Variants in STPG1 observed in about 807,000 individuals in gnomAD.
The protein encoded by STPG1 is sperm tail PG-rich repeat containing 1.
STPG1 carries 33 observed loss-of-function variants against 40.1 expected under a neutral mutation model. That is an observed-to-expected ratio of 0.82 (90% CI 0.62 to 1.10). The LOEUF is 1.10. STPG1 is among the 50% of genes least tolerant of loss of function. The pLI, the probability that STPG1 is intolerant of heterozygous loss-of-function variation, is 0.00. For synonymous variants in STPG1, 150 were observed against 155.0 expected, an observed-to-expected ratio of 0.97 and a Z score of 0.24; for missense variants, 396 against 415.1, an observed-to-expected ratio of 0.95 and a Z score of 0.40.
At chr1:24,403,515 T>C (rs555900683) in intron 1 of STPG1, among the ~76,000 whole-genome samples, 1 of 152,162 alleles carries the variant, frequency 6.6e-6, no homozygotes, top group Non-Finnish European at 1.5e-5. Flanking sequence ...TGGATTTTGA[T>C]TGAGATTGCA....
At position 24,360,761 on chromosome 1, in the gene STPG1, A is replaced by G. The variant is rs1018339461; in HGVS notation, c.928+90T>C. On this transcript the variant is annotated intron_variant, in intron 8 of 8. Transcript: ENST00000337248. ...ATCCCTGTAACCTATTTGGGAAACA[A>G]CCTATAAATCAATGGCATTTGATGA... The G allele has an allele frequency of 1.2e-5, 14 of 1,202,992 alleles. No individual in the cohort carries two copies. The African/African-American group carries it at 1.8e-4, about 16-fold the overall frequency. 74.5% of individuals were successfully genotyped at this position (1,202,992 alleles called of 1,614,324 possible). A position where few individuals can be genotyped will look rare whatever the true frequency, so the allele number is the denominator to read the frequency against.
intron 4 of STPG1, among the ~76,000 whole-genome samples, chr1:24,381,678 T>G (rs1271505061): frequency 6.6e-6 from 1 of 152,238 alleles, no homozygotes. Context: ...TCAACAGTCA[T>G]GAGGAAGTTT....
intron 5 of STPG1, among the ~76,000 whole-genome samples, chr1:24,378,508 G>A (rs1212702153): frequency 6.6e-6 from 1 of 152,164 alleles, no homozygotes; most frequent in Non-Finnish European, 1.5e-5. Context: ...GGTGGCGGGT[G>A]CCTGTAGTCC....
At chr1:24,390,366 T>G (rs184951538) in intron 3 of STPG1, among the ~76,000 whole-genome samples, 112 of 152,094 alleles carry the variant, frequency 7.4e-4, no homozygotes, top group African/African-American at 2.7e-3. Flanking sequence ...TGCGGCAAGA[T>G]TTAGGGAAGG....
chr1:24,364,389 G>C, intron 7 of STPG1: 1 of 1,523,320 alleles, frequency 6.6e-7, no homozygotes, highest in Non-Finnish European at 8.8e-7. Flanking sequence ...ACCTGGAGGA[G>C]AGGTGGAAGG....
Position 24,357,505 on chromosome 1 carries a change from GCCTCAGTACTTTTTAAAGT to G in STPG1, c.*1019_*1037del, listed in dbSNP as rs1640802163. ...ATCAGCATTTGTGGGTGGGCCCCAG[GCCTCAGTACTTTTTAAAGT>G]CCCCAGGTGATTACAGTGTGCAGTC... On this transcript the variant is annotated 3_prime_UTR_variant, in exon 9 of 9. Transcript: ENST00000337248. 1.3e-5 allele frequency: 2 copies of G among 152,840 alleles called. No homozygotes were observed. Among genetic ancestry groups the G allele is most frequent in the African/African-American group, 4.8e-5 (2 of 41,470 alleles). The allele number at this position is 152,840 out of a possible 1,614,324, so 9.5% of individuals were successfully genotyped here.
Position 24,361,036 on chromosome 1 carries a change from T to A in STPG1, c.743A>T (p.Asn248Ile), listed in dbSNP as rs2148675814. 6.2e-7 allele frequency: 1 copy of A among 1,602,886 alleles called. No individual in the cohort carries two copies. Among genetic ancestry groups the A allele is most frequent in the Non-Finnish European group, 8.5e-7 (1 of 1,174,526 alleles). Residue 248 changes from asparagine to isoleucine, a missense_variant, in exon 8 of 9, where the codon AAC becomes ATC. Coordinates refer to ENST00000337248, the MANE Select transcript of STPG1 (RefSeq NM_001199013.2). ...KVPKKTLFPK[N>I]PILNFSAQPS... ...CTGAGCAGAGAAGTTCAGGATGGGG[T>A]TTTTCCTTTGGGAAAGATAAAACGG...
upstream of STPG1, chr1:24,413,906 GC>G (rs1423345465): frequency 6.6e-6 from 1 of 152,264 alleles, no homozygotes; most frequent in Non-Finnish European, 1.5e-5. Context: ...AGGGCCTGTA[GC>G]GGGGTGGGGA....
chr1:24,390,053 C>T (rs79793293), intron 3 of STPG1, among the ~76,000 whole-genome samples: 2,372 of 152,328 alleles, frequency 0.016, 33 homozygotes, highest in Non-Finnish European at 0.024. Context: ...GCCTTGGCTC[C>T]GTTCAGAACC....
chr1:24,398,473 C>T lies in STPG1; in HGVS notation c.70+2846G>A, dbSNP rs543454722. ...TATTATCCTTCTATTCAACGTTGTA[C>T]TGAAGGTCTCTAGCCAATACAAACG... On this transcript the variant is annotated intron_variant, in intron 2 of 8. Transcript: ENST00000337248. Among the ~76,000 whole-genome samples the T allele has an allele frequency of 6.6e-5, 10 of 152,094 alleles. No homozygotes were observed. The South Asian group carries it at 1.9e-3, about 28-fold the overall frequency.
intron 4 of STPG1, among the ~76,000 whole-genome samples, chr1:24,381,005 G>C (rs765782881): frequency 2.0e-5 from 3 of 152,152 alleles, no homozygotes; most frequent in Non-Finnish European, 4.4e-5. Context: ...AATACCTTTG[G>C]TGGGTTTTTG....
chr1:24,384,060 C>A, intron 3 of STPG1, 57 bp from the exon 4 acceptor site: 1 of 1,116,962 alleles, frequency 9.0e-7, no homozygotes, highest in Non-Finnish European at 1.4e-6. Context: ...TGTGCTTTTC[C>A]ACAGGCTTTA....
chr1:24,387,188 T>C (rs1240498833), intron 3 of STPG1, among the ~76,000 whole-genome samples: 1 of 152,150 alleles, frequency 6.6e-6, no homozygotes, highest in African/African-American at 2.4e-5. Context: ...AAACCTACTG[T>C]GCATCAGGAC....
intron 6 of STPG1, 138 bp from the exon 7 acceptor site, chr1:24,369,977 GAT>G (rs1641659714): frequency 1.6e-6 from 1 of 625,008 alleles, no homozygotes; most frequent in Non-Finnish European, 2.6e-6. Flanking sequence ...GGCTGACTGA[GAT>G]AGCCAAAAAC....
chr1:24,374,255 TTG>T (rs869262960), intron 5 of STPG1, among the ~76,000 whole-genome samples: 5,178 of 63,078 alleles, frequency 0.082, 1,436 homozygotes, highest in African/African-American at 0.24. Flanking sequence ...TTTTTTTTTT[TTG>T]TTTTTTTTTT....
intron 7 of STPG1, among the ~76,000 whole-genome samples, chr1:24,365,235 G>A (rs966322107): frequency 6.6e-6 from 1 of 152,166 alleles, no homozygotes; most frequent in African/African-American, 2.4e-5. Context: ...AGCTCTAGCT[G>A]TGACAAGACA....
intron 7 of STPG1, among the ~76,000 whole-genome samples, chr1:24,362,559 T>C (rs577359476): frequency 6.6e-6 from 1 of 152,196 alleles, no homozygotes; most frequent in South Asian, 2.1e-4. Flanking sequence ...AGAAAAGGTA[T>C]GTAAAGCACC....
chr1:24,390,999 T>C (rs949258118), intron 3 of STPG1, among the ~76,000 whole-genome samples: 4 of 152,008 alleles, frequency 2.6e-5, no homozygotes, highest in Non-Finnish European at 5.9e-5. Context: ...TTTCTTTTCT[T>C]GTAGAGATTG....
chr1:24,375,559 G>C lies in STPG1; in HGVS notation c.463-1749C>G, dbSNP rs78142290. 3.4e-3 allele frequency among the ~76,000 whole-genome samples: 514 copies of C among 152,276 alleles called. 2 individuals are homozygous for C. The highest frequency in any genetic ancestry group is 5.7e-3 in the Non-Finnish European group (386 of 68,030). On this transcript the variant is annotated intron_variant, in intron 5 of 8. Transcript: ENST00000337248. Reference sequence around the variant, plus strand: ...CACGGAGAGTTGGGGAGAGGAGCCAGGTTGCCGGAGAGAAGGTAATAACAC... The same window carrying C: ...CACGGAGAGTTGGGGAGAGGAGCCACGTTGCCGGAGAGAAGGTAATAACAC...
Sources: gnomAD v4.1 joint callset for allele counts (sites outside exome capture counted in the v4.1 genomes callset) on GRCh38, gnomAD v4.1.1 for gene constraint, MANE v1.5 for transcripts, NCBI Gene and HGNC (gene_info 2026-07-23, HGNC 2026-07-21) for gene names.